Variants in WRN observed in about 807,000 individuals in gnomAD.
WRN encodes the protein WRN RecQ like helicase.
A neutral mutation model predicts 180.7 loss-of-function variants in WRN; 149 were observed. The observed-to-expected ratio is 0.82, with a 90% CI of 0.72 to 0.94. The LOEUF (loss-of-function observed/expected upper bound fraction) is 0.94, where lower values mean the gene tolerates loss of function less well. WRN is among the 40% of genes least tolerant of loss of function. The pLI, the probability that WRN is intolerant of heterozygous loss-of-function variation, is 0.00. For missense variants in WRN, 1,661 were observed against 1,700.1 expected (o/e 0.98, Z 0.40); for synonymous variants, 548 against 568.9 (o/e 0.96, Z 0.52).
At chr8:31,144,765 A>C (rs1366594305) in intron 28 of WRN, among the ~76,000 whole-genome samples, 2 of 152,026 alleles carry the variant, frequency 1.3e-5, no homozygotes, top group African/African-American at 2.4e-5. Context: ...GGCCCCTTGC[A>C]CCAAACAGTT....
chr8:31,051,894 G>A (rs554086956), intron 1 of WRN, among the ~76,000 whole-genome samples: 1 of 152,284 alleles, frequency 6.6e-6, no homozygotes, highest in African/African-American at 2.4e-5. Flanking sequence ...TGTACTGTGT[G>A]CTAAATGGTT....
At chr8:31,146,695 C>T (rs1414396501) in intron 28 of WRN, among the ~76,000 whole-genome samples, 8 of 152,130 alleles carry the variant, frequency 5.3e-5, no homozygotes, top group African/African-American at 1.9e-4. Context: ...TGGTTAAAAC[C>T]TGTTGTATCC....
At chr8:31,059,288 T>C in intron 3 of WRN, 23 bp downstream of exon 3, 1 of 1,590,344 alleles carries the variant, frequency 6.3e-7, no homozygotes, top group Non-Finnish European at 8.6e-7. Flanking sequence ...AATTTCCTGA[T>C]TTTATTTGAA....
At chr8:31,100,066 T>C (rs1359785313) in intron 17 of WRN, among the ~76,000 whole-genome samples, 2 of 152,162 alleles carry the variant, frequency 1.3e-5, no homozygotes, top group Non-Finnish European at 2.9e-5. Context: ...ATGATACTCA[T>C]TGAGGGAAAA....
intron 7 of WRN, among the ~76,000 whole-genome samples, chr8:31,074,459 G>A (rs1585419830): frequency 1.3e-5 from 2 of 152,150 alleles, no homozygotes; most frequent in Admixed American, 6.5e-5. Flanking sequence ...AATAAGAGGT[G>A]AAGTTCTCTG....
chr8:31,131,907 T>G, intron 23 of WRN: 1 of 158,422 alleles, frequency 6.3e-6, no homozygotes, highest in Non-Finnish European at 1.3e-5. Flanking sequence ...GGACCAGGAG[T>G]GGCAGAAGAA....
chr8:31,058,639 T>C lies in WRN; in HGVS notation c.96+96T>C. On this transcript the variant is annotated intron_variant, in intron 2 of 34. Coordinates refer to ENST00000298139, the MANE Select transcript of WRN (RefSeq NM_000553.6). ...GTTACTTGTAAACTTCAAGTCATTGTTTAGGTCAGAGTTGCTGTTGTCTAA... is the reference window on the plus strand; with the variant it reads ...GTTACTTGTAAACTTCAAGTCATTGCTTAGGTCAGAGTTGCTGTTGTCTAA... 3.1e-6 allele frequency: 4 copies of C among 1,306,088 alleles called. No homozygotes were observed. The Admixed American group carries it at 7.8e-5, about 25-fold the overall frequency. The allele number at this position is 1,306,088 out of a possible 1,614,324, so 80.9% of individuals were successfully genotyped here.
intron 30 of WRN, among the ~76,000 whole-genome samples, chr8:31,148,678 C>T (rs1802966345): frequency 6.6e-6 from 1 of 152,172 alleles, no homozygotes. Context: ...ATGAGAAGGT[C>T]TTTCATGATC....
At chr8:31,165,609 T>C (rs542242465) in intron 33 of WRN, among the ~76,000 whole-genome samples, 1 of 152,246 alleles carries the variant, frequency 6.6e-6, no homozygotes, top group African/African-American at 2.4e-5. Context: ...TAATCAGGTA[T>C]GTACTTTATA....
At chr8:31,144,054 G>A (rs1358362284) in intron 28 of WRN, among the ~76,000 whole-genome samples, 1 of 152,126 alleles carries the variant, frequency 6.6e-6, no homozygotes, top group Admixed American at 6.6e-5. Flanking sequence ...TTCTTTGTAT[G>A]AAATATATAC....
Position 31,142,633 on chromosome 8 carries a change from A to G in WRN, c.3241A>G (p.Thr1081Ala), listed in dbSNP as rs1563377311. The change falls in exon 27 of 35, where the codon ACT becomes GCT. Residue 1081 changes from threonine to alanine, a missense_variant. Physicochemically the swap from Thr to Ala is moderately conservative, Grantham distance 58. Coordinates refer to ENST00000298139, the MANE Select transcript of WRN (RefSeq NM_000553.6). The part of the protein sequence containing the change: ...PKKLLLPSSK[T>A]VSSGTKEHCY... Reference sequence around the variant, plus strand: ...AATTTTATTATTTTTTAGTTCGAAAACTGTATCTTCGGGCACCAAAGAGCA... The same window carrying G: ...AATTTTATTATTTTTTAGTTCGAAAGCTGTATCTTCGGGCACCAAAGAGCA... The G allele has an allele frequency of 6.3e-7, 1 of 1,597,542 alleles. No individual in the cohort carries two copies. The highest frequency in any genetic ancestry group is 8.5e-7 in the Non-Finnish European group (1 of 1,172,750).
chr8:31,041,962 T>C (rs1172779898), intron 1 of WRN, among the ~76,000 whole-genome samples: 1 of 151,600 alleles, frequency 6.6e-6, no homozygotes, highest in Non-Finnish European at 1.5e-5. Flanking sequence ...TTTGAGGGAG[T>C]ATGCAAGGAA....
chr8:31,144,556 T>TG (rs1398338742), intron 28 of WRN, among the ~76,000 whole-genome samples: 1 of 152,142 alleles, frequency 6.6e-6, no homozygotes, highest in African/African-American at 2.4e-5. Flanking sequence ...AGGTGGATCT[T>TG]GAACTCCTGA....
At chr8:31,093,339 G>A (rs1296390596) in intron 16 of WRN, among the ~76,000 whole-genome samples, 3 of 152,144 alleles carry the variant, frequency 2.0e-5, no homozygotes, top group Admixed American at 6.5e-5. Flanking sequence ...ATTAGAAGGC[G>A]ATCCTCCTGC....
At chr8:31,088,737 G>A (rs1813631800) in intron 12 of WRN, among the ~76,000 whole-genome samples, 153 bp from the exon 13 acceptor site, 1 of 152,012 alleles carries the variant, frequency 6.6e-6, no homozygotes, top group African/African-American at 2.4e-5. Flanking sequence ...GTACCCAGAA[G>A]ACCAGTTTGT....
chr8:31,157,236 CT>C, intron 32 of WRN, 131 bp from the exon 33 acceptor site: 1 of 1,324,360 alleles, frequency 7.6e-7, no homozygotes, highest in South Asian at 1.3e-5. Context: ...AAATGAAAAA[CT>C]TAAGTAAAGG....
At chr8:31,135,303 C>G (rs984041411) in intron 24 of WRN, among the ~76,000 whole-genome samples, 1 of 152,042 alleles carries the variant, frequency 6.6e-6, no homozygotes, top group Admixed American at 6.5e-5. Context: ...AGGTGATACC[C>G]ACCACCCTTG....
chr8:31,120,542 A>T (rs1343771811), intron 21 of WRN, 118 bp downstream of exon 21: 73 of 106,248 alleles, frequency 6.9e-4, no homozygotes, highest in Middle Eastern at 4.6e-3. Context: ...CATTTAAAGT[A>T]AAAAAAAAAA....
rs1585489883 is a variant in WRN at position 31,124,696 on chromosome 8, A to G, written c.2732+73A>G. 4 of 1,422,680 alleles carry G rather than the reference A, an allele frequency of 2.8e-6. No individual in the cohort carries two copies. In the East Asian group the frequency reaches 9.3e-5, roughly 33 times the overall value. 88.1% of individuals were successfully genotyped at this position (1,422,680 alleles called of 1,614,324 possible). A position where few individuals can be genotyped will look rare whatever the true frequency, so the allele number is the denominator to read the frequency against. ...CTCTTTTAAGACAACAATTTGGCTA[A>G]ATAATTATCAGTATTTTGAAAAAAT... is the stretch of plus-strand genomic sequence containing the variant. On this transcript the variant is annotated intron_variant, in intron 22 of 34. Transcript: ENST00000298139.
Sources: gnomAD v4.1 joint callset for allele counts (sites outside exome capture counted in the v4.1 genomes callset) on GRCh38, gnomAD v4.1.1 for gene constraint, MANE v1.5 for transcripts, NCBI Gene and HGNC (gene_info 2026-07-23, HGNC 2026-07-21) for gene names.